Variants in DCLK2 observed in about 807,000 individuals in gnomAD.
DCLK2 encodes the protein doublecortin like kinase 2, also known as serine/threonine-protein kinase DCLK2.
In DCLK2, 31 loss-of-function variants were observed where a neutral mutation model predicts 78.4. The ratio of observed to expected loss-of-function variants is 0.40; its 90% CI spans 0.30 to 0.53. The LOEUF is 0.53. DCLK2 is among the 20% of genes least tolerant of loss of function. The pLI, the probability that DCLK2 is intolerant of heterozygous loss-of-function variation, is 0.61. For missense variants in DCLK2, 872 were observed against 973.7 expected, an observed-to-expected ratio of 0.90 and a Z score of 1.39; for synonymous variants, 407 against 374.9, an observed-to-expected ratio of 1.09 and a Z score of -0.99.
intron 15 of DCLK2, among the ~76,000 whole-genome samples, 190 bp from the exon 16 acceptor site, chr4:150,255,830 A>G (rs1744516028): frequency 6.6e-6 from 1 of 152,134 alleles, no homozygotes; most frequent in Non-Finnish European, 1.5e-5. Flanking sequence ...GCAGAGGCCA[A>G]GGACAGCCCC....
At chr4:150,125,816 G>A (rs1334724598) in intron 2 of DCLK2, among the ~76,000 whole-genome samples, 5 of 152,026 alleles carry the variant, frequency 3.3e-5, no homozygotes, top group Admixed American at 3.3e-4. Flanking sequence ...ACTTGAACCC[G>A]GGAGGCGGAG....
At chr4:150,168,796 C>T (rs1294439624) in intron 2 of DCLK2, among the ~76,000 whole-genome samples, 1 of 152,160 alleles carries the variant, frequency 6.6e-6, no homozygotes, top group East Asian at 1.9e-4. Context: ...CAGACATGGC[C>T]AATCCACAAT....
At chr4:150,136,416 A>G (rs1052933420) in intron 2 of DCLK2, among the ~76,000 whole-genome samples, 10 of 152,310 alleles carry the variant, frequency 6.6e-5, no homozygotes, top group African/African-American at 2.4e-4. Context: ...AGTACCTGGG[A>G]TGGAGAAGAC....
At chr4:150,115,990 A>G (rs773065043) in intron 2 of DCLK2, among the ~76,000 whole-genome samples, 26 of 151,886 alleles carry the variant, frequency 1.7e-4, no homozygotes, top group Non-Finnish European at 2.8e-4. Context: ...GAGGGAGCCA[A>G]CTCTGCTTCC....
intron 15 of DCLK2, among the ~76,000 whole-genome samples, chr4:150,255,373 A>G (rs1002995381): frequency 2.6e-5 from 4 of 152,248 alleles, no homozygotes; most frequent in African/African-American, 7.2e-5. Context: ...ACGCAAGGTG[A>G]CTGCCTCACA....
Position 150,107,478 on chromosome 4 carries a change from G to C in DCLK2, c.756+4666G>C, listed in dbSNP as rs186462533. On this transcript the variant is annotated intron_variant, in intron 2 of 15. Coordinates refer to ENST00000296550, the MANE Select transcript of DCLK2 (RefSeq NM_001040260.4). ...TGCAGCTTTGACCTCCTGGGCTCAAGTGATCCTCCCACTTCAAGTTCCTGA... is the reference window on the plus strand; with the variant it reads ...TGCAGCTTTGACCTCCTGGGCTCAACTGATCCTCCCACTTCAAGTTCCTGA... 4.7e-3 allele frequency among the ~76,000 whole-genome samples: 709 copies of C among 149,690 alleles called. 2 individuals are homozygous for C. Among genetic ancestry groups the C allele is most frequent in the South Asian group, 0.02 (93 of 4,664 alleles).
At chr4:150,192,269 A>G (rs1738510173) in intron 2 of DCLK2, among the ~76,000 whole-genome samples, 2 of 152,238 alleles carry the variant, frequency 1.3e-5, no homozygotes, top group South Asian at 4.2e-4. Context: ...TCACGAGGTC[A>G]GGAGATCAAG....
intron 2 of DCLK2, among the ~76,000 whole-genome samples, chr4:150,112,272 T>C (rs1367133781): frequency 1.3e-5 from 2 of 152,228 alleles, no homozygotes; most frequent in Non-Finnish European, 2.9e-5. Context: ...GCTTGGTCAT[T>C]GTTGATGTAT....
At chr4:150,084,861 C>T (rs1039447665) in intron 1 of DCLK2, among the ~76,000 whole-genome samples, 1 of 152,100 alleles carries the variant, frequency 6.6e-6, no homozygotes, top group African/African-American at 2.4e-5. Context: ...CCCTTCCTGC[C>T]CATGCTACCA....
intron 2 of DCLK2, among the ~76,000 whole-genome samples, chr4:150,152,071 A>T (rs560101871): frequency 6.6e-6 from 1 of 152,350 alleles, no homozygotes; most frequent in South Asian, 2.1e-4. Flanking sequence ...ATATGAAATC[A>T]CATGTGTTCA....
Position 150,081,456 on chromosome 4 carries a change from T to C in DCLK2, c.421+2008T>C, listed in dbSNP as rs375850620. ...GGATGGGGATTTGGAAAAAACATTA[T>C]CTATGGAGTCCAAATCATACCAAAA... On this transcript the variant is annotated intron_variant, in intron 1 of 15. Transcript: ENST00000296550. Among the ~76,000 whole-genome samples, 93 of 152,302 alleles carry C rather than the reference T, an allele frequency of 6.1e-4. 1 individual carries two copies. In the South Asian group the frequency reaches 0.018, roughly 30 times the overall value.
chr4:150,140,162 T>G (rs527739260), intron 2 of DCLK2, among the ~76,000 whole-genome samples: 1 of 152,312 alleles, frequency 6.6e-6, no homozygotes, highest in Admixed American at 6.5e-5. Flanking sequence ...ATAAATTTCA[T>G]GGAAACAATC....
intron 12 of DCLK2, among the ~76,000 whole-genome samples, chr4:150,245,079 C>G (rs1232425896): frequency 6.6e-6 from 1 of 152,080 alleles, no homozygotes; most frequent in Non-Finnish European, 1.5e-5. Context: ...TTGGAGCCCT[C>G]TGGTTCTCTG....
intron 4 of DCLK2, among the ~76,000 whole-genome samples, chr4:150,199,438 C>A (rs1739303177): frequency 6.6e-6 from 1 of 152,160 alleles, no homozygotes; most frequent in African/African-American, 2.4e-5. Context: ...CAATTTTGAT[C>A]TTCTGTGCTC....
intron 2 of DCLK2, among the ~76,000 whole-genome samples, chr4:150,139,610 G>A (rs1243493537): frequency 5.3e-5 from 8 of 152,224 alleles, no homozygotes; most frequent in Non-Finnish European, 8.8e-5. Context: ...TAATGTTAAA[G>A]TGCTTCTGAA....
Position 150,205,523 on chromosome 4 carries a change from G to A in DCLK2, c.1056+1634G>A, listed in dbSNP as rs117256923. Among the ~76,000 whole-genome samples, 41 of 152,218 alleles carry A rather than the reference G, an allele frequency of 2.7e-4. 2 individuals are homozygous for A. The East Asian group carries it at 7.7e-3, about 29-fold the overall frequency. On this transcript the variant is annotated intron_variant, in intron 5 of 15. Transcript: ENST00000296550. ...TCCTTATATTTATCAAAAGAAGCAGGCATTTTTCTGAAGTACTAACTTGAC... is the reference window on the plus strand; with the variant it reads ...TCCTTATATTTATCAAAAGAAGCAGACATTTTTCTGAAGTACTAACTTGAC...
At chr4:150,109,871 C>G (rs898574437) in intron 2 of DCLK2, among the ~76,000 whole-genome samples, 1 of 152,162 alleles carries the variant, frequency 6.6e-6, no homozygotes, top group African/African-American at 2.4e-5. Flanking sequence ...TCTAAGGTGA[C>G]TTACCTTAAA....
intron 2 of DCLK2, among the ~76,000 whole-genome samples, chr4:150,190,730 C>T (rs1738389274): frequency 6.6e-6 from 1 of 152,014 alleles, no homozygotes; most frequent in African/African-American, 2.4e-5. Context: ...GTGATAGTCG[C>T]ACAACTCTTA....
chr4:150,086,558 G>C (rs1729660176), intron 1 of DCLK2, among the ~76,000 whole-genome samples: 1 of 150,390 alleles, frequency 6.6e-6, no homozygotes, highest in Admixed American at 6.6e-5. Flanking sequence ...CCAGGCTGGA[G>C]TGCAGTGGCG....
Sources: allele counts gnomAD v4.1 joint callset (sites outside exome capture counted in the v4.1 genomes callset), GRCh38; gene constraint gnomAD v4.1.1; transcripts MANE v1.5; gene names NCBI Gene and HGNC (gene_info 2026-07-23, HGNC 2026-07-21).